URI1: variants seen among roughly 807,000 people sequenced by gnomAD.
URI1 encodes unconventional prefoldin RPB5 interactor 1.
In URI1, 39 loss-of-function variants were observed where a neutral mutation model predicts 60.2. The observed-to-expected ratio is 0.65, with a 90% CI of 0.50 to 0.85. URI1 has a LOEUF of 0.85. Among genes scored for constraint, URI1 ranks in the 40% least tolerant of loss-of-function variants. The probability of loss-of-function intolerance (pLI) is 0.00; values close to 1 mark genes in which losing one functional copy is unlikely to be tolerated. For missense variants in URI1, 691 were observed against 665.9 expected, an observed-to-expected ratio of 1.04 and a Z score of -0.42; for synonymous variants, 251 against 236.8, an observed-to-expected ratio of 1.06 and a Z score of -0.55.
chr19:29,946,479 T>A (rs1027294479), intron 1 of URI1, among the ~76,000 whole-genome samples: 1 of 152,238 alleles, frequency 6.6e-6, no homozygotes, highest in Non-Finnish European at 1.5e-5. Flanking sequence ...ATCGTTTTTA[T>A]AGGCTTATTT....
In URI1 at chr19:29,986,326, T is replaced by C. The variant is rs1167069164; in HGVS notation, c.276T>C (p.His92=). ...PFAFMPGKLV[H]TNEVTVLLGD... Reference sequence around the variant, plus strand: ...CCTTCATGCCAGGAAAACTTGTCCATACTAATGAAGTCACTGTTTTACTGG... The same window carrying C: ...CCTTCATGCCAGGAAAACTTGTCCACACTAATGAAGTCACTGTTTTACTGG... The change falls in exon 4 of 11, where the codon CAT becomes CAC. Residue 92 remains histidine, a synonymous_variant. Coordinates refer to ENST00000392271, the MANE Select transcript of URI1 (RefSeq NM_003796.3). 6 of 1,610,342 alleles carry C rather than the reference T, an allele frequency of 3.7e-6. No individual in the cohort carries two copies. The highest frequency in any genetic ancestry group is 5.1e-6 in the Non-Finnish European group (6 of 1,179,408).
intron 4 of URI1, among the ~76,000 whole-genome samples, chr19:30,000,145 A>G (rs2145417818): frequency 6.6e-6 from 1 of 151,704 alleles, no homozygotes; most frequent in South Asian, 2.1e-4. Context: ...ATGTAATTCC[A>G]TTTTGTTCTT....
At chr19:30,013,793 A>G (rs756006943) in intron 10 of URI1, among the ~76,000 whole-genome samples, 1 of 152,162 alleles carries the variant, frequency 6.6e-6, no homozygotes, top group African/African-American at 2.4e-5. Flanking sequence ...AGAAGGCTCT[A>G]TGCTCATCGT....
intron 1 of URI1, among the ~76,000 whole-genome samples, chr19:29,966,420 GC>G (rs1478839320): frequency 3.9e-5 from 6 of 152,286 alleles, no homozygotes; most frequent in African/African-American, 1.4e-4. Context: ...ACAGGCGTGA[GC>G]CACTCTGCTC....
chr19:29,942,553 G>T lies in URI1; in HGVS notation c.6G>T (p.Glu2Asp). ...CTGAGGCCCGCGGGCCCGTCATGGA[G>T]GCGCCCACCGTGGAGACGCCCCCCG... is the stretch of plus-strand genomic sequence containing the variant. M[E>D]APTVETPPDP... The change falls in exon 1 of 11, where the codon GAG becomes GAT. Residue 2 changes from glutamate to aspartate, a missense_variant. Coordinates refer to ENST00000392271, the MANE Select transcript of URI1 (RefSeq NM_003796.3). 7.1e-7 allele frequency: 1 copy of T among 1,414,996 alleles called. No homozygotes were observed. The highest frequency in any genetic ancestry group is 9.2e-7 in the Non-Finnish European group (1 of 1,085,242). 87.7% of individuals were successfully genotyped at this position (1,414,996 alleles called of 1,614,324 possible).
intron 1 of URI1, among the ~76,000 whole-genome samples, chr19:29,944,669 C>T (rs1426046507): frequency 6.6e-6 from 1 of 152,082 alleles, no homozygotes; most frequent in African/African-American, 2.4e-5. Context: ...AATTATTTTT[C>T]TGTGTTGTGT....
At chr19:29,942,703 C>T (rs536515936) in intron 1 of URI1, 39 bp downstream of exon 1, 3 of 1,360,704 alleles carry the variant, frequency 2.2e-6, no homozygotes, top group South Asian at 1.8e-5. Context: ...CTCCGCCCGC[C>T]GGGCTGCCCC....
chr19:29,962,609 T>A (rs571897926), intron 1 of URI1, among the ~76,000 whole-genome samples: 2 of 151,746 alleles, frequency 1.3e-5, no homozygotes, highest in Non-Finnish European at 2.9e-5. Context: ...TTTTTTTTTT[T>A]TTATCCTGTA....
At chr19:29,998,275 A>G (rs1387538042) in intron 4 of URI1, among the ~76,000 whole-genome samples, 3 of 152,074 alleles carry the variant, frequency 2.0e-5, no homozygotes, top group Non-Finnish European at 1.5e-5. Flanking sequence ...TGACTGTTCC[A>G]TGTTTCCCTT....
intron 1 of URI1, among the ~76,000 whole-genome samples, chr19:29,962,861 G>T (rs1313647558): frequency 6.6e-6 from 1 of 151,956 alleles, no homozygotes; most frequent in East Asian, 1.9e-4. Context: ...CATGTTGGAG[G>T]ATCTATTTGC....
At position 30,014,961 on chromosome 19, in the gene URI1, C is replaced by T. The variant is rs1399584660; in HGVS notation, c.1500C>T (p.Pro500=). 28 of 1,613,686 alleles carry T rather than the reference C, an allele frequency of 1.7e-5. No homozygotes were observed. The highest frequency in any genetic ancestry group is 2.4e-5 in the Non-Finnish European group (28 of 1,179,780). The change falls in exon 11 of 11, where the codon CCC becomes CCT. Residue 500 remains proline (P), a synonymous_variant. Coordinates refer to ENST00000392271, the MANE Select transcript of URI1 (RefSeq NM_003796.3). ...SLTPPPAIAH[P]ALPTIPERKE... ...CACCACCCCCAGCCATTGCTCATCC[C>T]GCACTACCCACTATTCCAGAACGAA...
chr19:29,980,978 TCTTA>T (rs1251403169), intron 2 of URI1, among the ~76,000 whole-genome samples: 1 of 151,754 alleles, frequency 6.6e-6, no homozygotes, highest in Non-Finnish European at 1.5e-5. Flanking sequence ...TATTTTAACT[TCTTA>T]CTTTAAAGTA....
chr19:29,958,203 A>C (rs1242275306), intron 1 of URI1: 4 of 151,504 alleles, frequency 2.6e-5, no homozygotes, highest in Non-Finnish European at 4.4e-5. Flanking sequence ...TCCAGTTCTT[A>C]AGTTTTTTTT....
At chr19:30,007,727 T>C in intron 7 of URI1, 89 bp downstream of exon 7, 1 of 1,199,674 alleles carries the variant, frequency 8.3e-7, no homozygotes, top group Non-Finnish European at 1.1e-6. Flanking sequence ...AAATAATATG[T>C]GTTCATTGAA....
At chr19:30,011,847 A>G (rs1265807820) in intron 9 of URI1, among the ~76,000 whole-genome samples, 3 of 139,852 alleles carry the variant, frequency 2.1e-5, no homozygotes, top group Non-Finnish European at 3.1e-5. Context: ...GAATTGAACA[A>G]TGAGAACACT....
At position 29,969,564 on chromosome 19, in the gene URI1, A is replaced by G. The variant is rs182820720; in HGVS notation, c.118-1629A>G. On this transcript the variant is annotated intron_variant, in intron 1 of 10. Coordinates refer to ENST00000392271, the MANE Select transcript of URI1 (RefSeq NM_003796.3). ...ATGTGTAACTAGTTAATATGCAGCT[A>G]CGAAAGGATTATCATGTAGAGGTTA... Among the ~76,000 whole-genome samples, 157 of 152,306 alleles carry G rather than the reference A, an allele frequency of 1.0e-3. 3 individuals are homozygous for G. Among genetic ancestry groups the G allele is most frequent in the African/African-American group, 3.7e-3 (155 of 41,568 alleles).
Position 29,949,423 on chromosome 19 carries a change from A to G in URI1, c.117+6759A>G, listed in dbSNP as rs1367812872. Among the ~76,000 whole-genome samples the G allele has an allele frequency of 1.0e-4, 15 of 148,332 alleles. No individual in the cohort carries two copies. In the East Asian group the frequency reaches 3.1e-3, roughly 31 times the overall value. ...CGGGAAGAGGCGCTCCCCACTTCCC[A>G]GACTGGGCAGCCGGGCAGAGGGGCT... On this transcript the variant is annotated intron_variant, in intron 1 of 10. Transcript: ENST00000392271.
intron 1 of URI1, among the ~76,000 whole-genome samples, chr19:29,935,644 T>G (rs932103186): frequency 6.6e-6 from 1 of 152,020 alleles, no homozygotes; most frequent in Non-Finnish European, 1.5e-5. Flanking sequence ...AATGTCTTAA[T>G]TTCTCCTTTA....
chr19:30,005,628 CTT>C, intron 5 of URI1, 21 bp from the exon 6 acceptor site: 1 of 1,583,088 alleles, frequency 6.3e-7, no homozygotes, highest in Non-Finnish European at 8.6e-7. Context: ...TGTTAATACG[CTT>C]TTTTTTTGTT....
Sources: allele counts gnomAD v4.1 joint callset (sites outside exome capture counted in the v4.1 genomes callset), GRCh38; gene constraint gnomAD v4.1.1; transcripts MANE v1.5; gene names NCBI Gene and HGNC (gene_info 2026-07-23, HGNC 2026-07-21).